Variants in SNX5 observed in about 807,000 individuals in gnomAD.
The protein encoded by SNX5 is sorting nexin-5.
A neutral mutation model predicts 53.9 loss-of-function variants in SNX5; 31 were observed. That is an observed-to-expected ratio of 0.58 (90% CI 0.43 to 0.78). The LOEUF (loss-of-function observed/expected upper bound fraction) is 0.78, where lower values mean the gene tolerates loss of function less well. Ranked by LOEUF, SNX5 falls within the 30% of genes least tolerant of loss-of-function variation. The pLI, the probability that SNX5 is intolerant of heterozygous loss-of-function variation, is 0.00. For synonymous variants in SNX5, 168 were observed against 171.1 expected (o/e 0.98, Z 0.14); for missense variants, 471 against 478.8 (o/e 0.98, Z 0.15).
chr20:17,942,246 A>G lies in SNX5; in HGVS notation c.*111T>C, dbSNP rs2122331673. Reference sequence around the variant, plus strand: ...TGTAGAAATCAAAATATTTATTCACATAATTTTAAACTAAAGTTGAAGCTA... The same window carrying G: ...TGTAGAAATCAAAATATTTATTCACGTAATTTTAAACTAAAGTTGAAGCTA... On this transcript the variant is annotated 3_prime_UTR_variant, in exon 13 of 13. Transcript: ENST00000377759. The G allele has an allele frequency of 4.2e-6, 3 of 708,144 alleles. No homozygotes were observed. Among genetic ancestry groups the G allele is most frequent in the East Asian group, 5.3e-5 (2 of 37,754 alleles). 43.9% of individuals were successfully genotyped at this position (708,144 alleles called of 1,614,324 possible).
chr20:17,942,614 G>C (rs1057049172), intron 12 of SNX5: 1 of 592,138 alleles, frequency 1.7e-6, no homozygotes, highest in Non-Finnish European at 3.0e-6. Context: ...CAGTGGGTAA[G>C]GCTACCAGCC....
At chr20:17,962,067 T>C (rs1304132998) in intron 1 of SNX5, 12 of 808,008 alleles carry the variant, frequency 1.5e-5, no homozygotes, top group African/African-American at 1.8e-5. Flanking sequence ...GTGCTCCGAA[T>C]TGTTACTATT....
chr20:17,962,064 G>C (rs542733914), intron 1 of SNX5: 2 of 817,812 alleles, frequency 2.4e-6, no homozygotes, highest in African/African-American at 1.8e-5. Context: ...TTGGTGCTCC[G>C]AATTGTTACT....
intron 8 of SNX5, 62 bp from the exon 9 acceptor site, chr20:17,949,165 C>A: frequency 7.0e-7 from 1 of 1,423,234 alleles, no homozygotes; most frequent in East Asian, 2.3e-5. Flanking sequence ...ATGATCTTAC[C>A]AGTGTGCAAG....
intron 11 of SNX5, chr20:17,943,688 C>T (rs1284257049): frequency 6.5e-6 from 1 of 154,782 alleles, no homozygotes; most frequent in Non-Finnish European, 1.4e-5. Flanking sequence ...TGCATTTTCT[C>T]AAATAGATGA....
intron 4 of SNX5, among the ~76,000 whole-genome samples, chr20:17,952,968 A>T (rs115737371): frequency 6.6e-6 from 1 of 152,248 alleles, no homozygotes; most frequent in African/African-American, 2.4e-5. Context: ...CTAAATCTAC[A>T]TGCAATTACT....
At chr20:17,964,556 C>G (rs2035507659) in intron 1 of SNX5, among the ~76,000 whole-genome samples, 1 of 152,126 alleles carries the variant, frequency 6.6e-6, no homozygotes, top group African/African-American at 2.4e-5. Flanking sequence ...AATCAGAAAA[C>G]AGGTATTAAG....
intron 1 of SNX5, among the ~76,000 whole-genome samples, chr20:17,967,484 G>C (rs1178787568): frequency 6.6e-6 from 1 of 152,124 alleles, no homozygotes; most frequent in East Asian, 1.9e-4. Context: ...TTTCTCTATG[G>C]AGGTGCCTTT....
intron 8 of SNX5, among the ~76,000 whole-genome samples, chr20:17,949,746 C>T (rs1458534152): frequency 6.6e-6 from 1 of 152,136 alleles, no homozygotes. Context: ...TTCTCAGGAT[C>T]TCCTGAGGCT....
At chr20:17,956,702 A>AAAAAAAAAAAAAAC (rs2035366581) in intron 2 of SNX5, among the ~76,000 whole-genome samples, 1 of 123,330 alleles carries the variant, frequency 8.1e-6, no homozygotes, top group South Asian at 2.6e-4. Flanking sequence ...AAAAAAAAAA[A>AAAAAAAAAAAAAAC]AACAAAAAAA....
chr20:17,953,262 A>G (rs534743170), intron 4 of SNX5, among the ~76,000 whole-genome samples: 132 of 152,306 alleles, frequency 8.7e-4, no homozygotes, highest in Non-Finnish European at 1.5e-3. Context: ...TAGATGACAC[A>G]GGGGTTTGGA....
chr20:17,951,120 T>G (rs940793243), intron 6 of SNX5: 2 of 168,816 alleles, frequency 1.2e-5, no homozygotes, highest in African/African-American at 4.8e-5. Context: ...TCCTTAGTTG[T>G]GCCAGCTAGG....
chr20:17,953,731 T>C (rs952080423), intron 4 of SNX5, among the ~76,000 whole-genome samples: 1 of 152,228 alleles, frequency 6.6e-6, no homozygotes, highest in African/African-American at 2.4e-5. Context: ...CCAGCATCCT[T>C]AATAAGTATG....
At position 17,961,627 on chromosome 20, in the gene SNX5, ATATC is replaced by A. The variant is rs1355340028; in HGVS notation, c.52-4594_52-4591del. ...ACTACAGATAGGATAAAAAAGACAC[ATATC>A]TATTTAAATGACTTCCTAGTTTCCA... On this transcript the variant is annotated intron_variant, in intron 1 of 12. Transcript: ENST00000377759. 9.1e-6 allele frequency: 9 copies of A among 984,010 alleles called. No individual in the cohort carries two copies. The Middle Eastern group carries it at 1.5e-3, about 169-fold the overall frequency. 61.0% of individuals were successfully genotyped at this position (984,010 alleles called of 1,614,324 possible). A position where few individuals can be genotyped will look rare whatever the true frequency, so the allele number is the denominator to read the frequency against.
chr20:17,966,238 A>T lies in SNX5; in HGVS notation c.51+2137T>A, dbSNP rs114441382. ...CGGTCTCCACAAAAATACAAAAATT[A>T]GCCGGGCATGGCGGTGAGCGACTGT... On this transcript the variant is annotated intron_variant, in intron 1 of 12. Transcript: ENST00000377759. Among the ~76,000 whole-genome samples the T allele has an allele frequency of 7.1e-3, 1,081 of 152,282 alleles. 12 individuals are homozygous for T. Among genetic ancestry groups the T allele is most frequent in the African/African-American group, 0.024 (1,006 of 41,548 alleles).
chr20:17,964,679 C>T (rs1423627485), intron 1 of SNX5, among the ~76,000 whole-genome samples: 2 of 152,182 alleles, frequency 1.3e-5, no homozygotes, highest in African/African-American at 2.4e-5. Context: ...TCCTTAAATA[C>T]TATTTAACTT....
intron 1 of SNX5, chr20:17,962,330 G>A: frequency 5.0e-6 from 1 of 201,768 alleles, no homozygotes; most frequent in South Asian, 8.2e-5. Context: ...TCAGCCTCCT[G>A]AGTAGCTGGG....
At chr20:17,958,540 A>G (rs967851985) in intron 1 of SNX5, among the ~76,000 whole-genome samples, 1 of 152,232 alleles carries the variant, frequency 6.6e-6, no homozygotes, top group African/African-American at 2.4e-5. Flanking sequence ...AGTCACCAGA[A>G]GTTGATTTTA....
intron 11 of SNX5, chr20:17,947,103 T>C (rs185706294): frequency 5.8e-6 from 1 of 173,106 alleles, no homozygotes; most frequent in Non-Finnish European, 1.2e-5. Flanking sequence ...AGACTGGATC[T>C]TGTAGAGGAC....
Sources: gnomAD v4.1 joint callset for allele counts (sites outside exome capture counted in the v4.1 genomes callset) on GRCh38, gnomAD v4.1.1 for gene constraint, MANE v1.5 for transcripts, NCBI Gene and HGNC (gene_info 2026-07-23, HGNC 2026-07-21) for gene names.